The following EFTUD2 variants were observed in gnomAD, a reference collection of about 807,000 sequenced individuals.
EFTUD2 encodes the protein elongation factor Tu GTP binding domain containing 2.
Under a neutral mutation model 114.3 loss-of-function variants are expected in EFTUD2, and 9 were observed. The ratio of observed to expected loss-of-function variants is 0.08; its 90% CI spans 0.05 to 0.14. EFTUD2 has a LOEUF of 0.14. Ranked by LOEUF, EFTUD2 falls within the 10% of genes least tolerant of loss-of-function variation. EFTUD2 has a pLI of 1.00. For synonymous variants in EFTUD2, 449 were observed against 462.3 expected (o/e 0.97, Z 0.37); for missense variants, 765 against 1,241.2 (o/e 0.62, Z 5.76).
chr17:44,896,884 T>C (rs2051395551), intron 1 of EFTUD2, among the ~76,000 whole-genome samples: 1 of 152,022 alleles, frequency 6.6e-6, no homozygotes, highest in Non-Finnish European at 1.5e-5. Flanking sequence ...ACTGAATAAA[T>C]GGTTATGAGG....
At chr17:44,870,641 C>T (rs1046953511) in intron 11 of EFTUD2, among the ~76,000 whole-genome samples, 1 of 152,158 alleles carries the variant, frequency 6.6e-6, no homozygotes, top group Admixed American at 6.6e-5. Context: ...TGATGATCCA[C>T]TTCCACTTAA....
rs1158944738 is a variant in EFTUD2 at position 44,850,416 on chromosome 17, G to C, written c.*858C>G. On this transcript the variant is annotated 3_prime_UTR_variant, in exon 28 of 28. Transcript: ENST00000426333. Reference sequence around the variant, plus strand: ...AAGTAGGACTCCTATAGGAGCCGGGGCTGTCCAACTCCCCTAACTCAATCC... The same window carrying C: ...AAGTAGGACTCCTATAGGAGCCGGGCCTGTCCAACTCCCCTAACTCAATCC... 1 of 1,585,852 alleles carries C rather than the reference G, an allele frequency of 6.3e-7. No individual in the cohort carries two copies.
chr17:44,864,190 C>T (rs747657232), intron 14 of EFTUD2: 4 of 165,474 alleles, frequency 2.4e-5, no homozygotes, highest in African/African-American at 4.8e-5. Context: ...TAAGTTACCC[C>T]GTTTTCTGAA....
rs934939897 is a variant in EFTUD2 at position 44,899,438 on chromosome 17, A to T, written c.-74T>A. On this transcript the variant is annotated 5_prime_UTR_variant, in exon 1 of 28. Transcript: ENST00000426333. Reference sequence around the variant, plus strand: ...CGTGCTTCCGCCCCACGCCGAGGAAACGCCTGCGCCCGCCGCCAGGAAGGA... The same window carrying T: ...CGTGCTTCCGCCCCACGCCGAGGAATCGCCTGCGCCCGCCGCCAGGAAGGA... The T allele has an allele frequency of 3.9e-5, 6 of 152,504 alleles. No individual in the cohort carries two copies. The highest frequency in any genetic ancestry group is 9.7e-5 in the African/African-American group (4 of 41,428). 9.4% of individuals were successfully genotyped at this position (152,504 alleles called of 1,614,324 possible).
At chr17:44,881,897 G>A in intron 6 of EFTUD2, 175 bp from the exon 7 acceptor site, 2 of 602,344 alleles carry the variant, frequency 3.3e-6, no homozygotes, top group South Asian at 4.0e-5. Flanking sequence ...TGCCCTCCCA[G>A]CTGGAAATGC....
intron 10 of EFTUD2, 63 bp from the exon 11 acceptor site, chr17:44,872,633 G>C: frequency 1.3e-6 from 2 of 1,506,736 alleles, no homozygotes; most frequent in South Asian, 1.3e-5. Flanking sequence ...ACTGCCAAGG[G>C]GAAGGGCAGG....
At chr17:44,894,727 AG>A (rs1484952735) in intron 1 of EFTUD2, among the ~76,000 whole-genome samples, 1 of 152,132 alleles carries the variant, frequency 6.6e-6, no homozygotes, top group Non-Finnish European at 1.5e-5. Context: ...CTATTTATGT[AG>A]TCTTCCCTCC....
chr17:44,858,658 T>C (rs751977198), intron 19 of EFTUD2, among the ~76,000 whole-genome samples: 3 of 151,762 alleles, frequency 2.0e-5, no homozygotes, highest in Non-Finnish European at 4.4e-5. Context: ...GTTGCCCAGA[T>C]TGGTCTCAAA....
In EFTUD2 at chr17:44,854,351, G is replaced by A. The variant is rs1451066450; in HGVS notation, c.2265C>T (p.Asp755=). 2.5e-6 allele frequency: 4 copies of A among 1,613,570 alleles called. No individual in the cohort carries two copies. The highest frequency in any genetic ancestry group is 2.5e-6 in the Non-Finnish European group (3 of 1,179,848). The change falls in exon 23 of 28, where the codon GAC becomes GAT. Residue 755 remains aspartate (D), a synonymous_variant. Coordinates refer to ENST00000426333, the MANE Select transcript of EFTUD2 (RefSeq NM_004247.4). This position sits in a 1 kb window ranked among gnomAD's most constrained non-coding sequence, Gnocchi z 4.3. ...LVDDTLPSEV[D]KALLGSVKDS... ...CCTTCACTGAACCAAGAAGAGCCTT[G>A]TCCACCTATAGAGAAACATGAGGCC...
intron 16 of EFTUD2, 52 bp from the exon 17 acceptor site, chr17:44,860,595 ATTTTTTTTTT>A (rs34404174): frequency 1.6e-5 from 11 of 672,036 alleles, no homozygotes; most frequent in South Asian, 5.8e-5. Flanking sequence ...GCATTCCCTA[ATTTTTTTTTT>A]TTTTTTTTTT....
chr17:44,877,382 A>G (rs2050981876), intron 9 of EFTUD2, among the ~76,000 whole-genome samples: 1 of 152,250 alleles, frequency 6.6e-6, no homozygotes, highest in Non-Finnish European at 1.5e-5. Context: ...ATCTGGGACA[A>G]GAGCACTAGA....
At chr17:44,861,484 A>G (rs1442735890) in intron 16 of EFTUD2, among the ~76,000 whole-genome samples, 1 of 150,862 alleles carries the variant, frequency 6.6e-6, no homozygotes, top group Non-Finnish European at 1.5e-5. Context: ...CTATAATCCC[A>G]GCACTTTGGG....
intron 18 of EFTUD2, 69 bp from the exon 19 acceptor site, chr17:44,859,250 A>C: frequency 1.8e-6 from 2 of 1,090,842 alleles, no homozygotes. Context: ...AACAAAATCA[A>C]GGCCAGAGCA....
intron 2 of EFTUD2, 28 bp downstream of exon 2, chr17:44,894,389 A>G (rs1234857132): frequency 3.3e-6 from 5 of 1,514,186 alleles, no homozygotes; most frequent in Admixed American, 1.7e-5. Context: ...AATAAGAGTG[A>G]GATAAAAGAG....
intron 2 of EFTUD2, among the ~76,000 whole-genome samples, chr17:44,890,750 C>A (rs2051265213): frequency 6.6e-6 from 1 of 152,148 alleles, no homozygotes; most frequent in Non-Finnish European, 1.5e-5. Context: ...CTATAACCCT[C>A]ATTCTGCTGG....
intron 20 of EFTUD2, among the ~76,000 whole-genome samples, chr17:44,856,128 C>A: frequency 1.6e-5 from 1 of 61,628 alleles, no homozygotes; most frequent in African/African-American, 6.4e-5. Flanking sequence ...GAGACCCTGT[C>A]TCAAAAAAAA....
intron 3 of EFTUD2, among the ~76,000 whole-genome samples, 159 bp from the exon 4 acceptor site, chr17:44,885,493 C>T (rs962145528): frequency 1.3e-5 from 2 of 151,364 alleles, no homozygotes; most frequent in Admixed American, 6.6e-5. Flanking sequence ...TTTGGAAATG[C>T]TGTTTGGCAT....
chr17:44,856,757 T>TC (rs1555564760), intron 20 of EFTUD2, among the ~76,000 whole-genome samples: 2 of 98,882 alleles, frequency 2.0e-5, no homozygotes, highest in Non-Finnish European at 4.1e-5. Context: ...CCAGCCTGTG[T>TC]CAAAAAAAAA....
Position 44,850,103 on chromosome 17 carries a change from C to T in EFTUD2, c.*1171G>A, listed in dbSNP as rs2050412649. On this transcript the variant is annotated 3_prime_UTR_variant, in exon 28 of 28. Coordinates refer to ENST00000426333, the MANE Select transcript of EFTUD2 (RefSeq NM_004247.4). ...TACCTTGCAGGCTGCTGTGAGGTTT[C>T]TCAGATACACAATACATGTGAAAGT... The T allele has an allele frequency of 2.2e-6, 1 of 454,112 alleles. No individual in the cohort carries two copies. The highest frequency in any genetic ancestry group is 1.9e-5 in the African/African-American group (1 of 51,838). The allele number at this position is 454,112 out of a possible 1,614,324, so 28.1% of individuals were successfully genotyped here.
Sources: allele counts gnomAD v4.1 joint callset (sites outside exome capture counted in the v4.1 genomes callset), GRCh38; gene constraint gnomAD v4.1.1; non-coding constraint Gnocchi (gnomAD v3.1); transcripts MANE v1.5; gene names NCBI Gene and HGNC (gene_info 2026-07-23, HGNC 2026-07-21).